The following DDR2 variants were observed in gnomAD, a reference collection of about 807,000 sequenced individuals.
DDR2 encodes the protein discoidin domain receptor tyrosine kinase 2, also known as discoidin domain-containing receptor 2.
Under a neutral mutation model 94.9 loss-of-function variants are expected in DDR2, and 27 were observed. That is an observed-to-expected ratio of 0.28 (90% CI 0.21 to 0.39). DDR2 has a LOEUF of 0.39. Among genes scored for constraint, DDR2 ranks in the 10% least tolerant of loss-of-function variants. DDR2 has a pLI of 1.00. For missense variants in DDR2, 783 were observed against 1,076.0 expected (o/e 0.73, Z 3.81); for synonymous variants, 382 against 377.2 (o/e 1.01, Z -0.15).
At chr1:162,648,327 G>A (rs926206501) in intron 1 of DDR2, among the ~76,000 whole-genome samples, 4 of 152,138 alleles carry the variant, frequency 2.6e-5, no homozygotes, top group Non-Finnish European at 5.9e-5. Context: ...CAGACACTTG[G>A]CAGTCAGATT....
At chr1:162,651,596 C>T (rs1657695572) in intron 1 of DDR2, among the ~76,000 whole-genome samples, 2 of 152,006 alleles carry the variant, frequency 1.3e-5, no homozygotes, top group Non-Finnish European at 2.9e-5. Flanking sequence ...TTTTTTGAGG[C>T]CAAGGAACAT....
chr1:162,746,842 T>C (rs954496239), intron 3 of DDR2, among the ~76,000 whole-genome samples: 2 of 152,198 alleles, frequency 1.3e-5, no homozygotes, highest in Non-Finnish European at 2.9e-5. Context: ...TTTGCTGTTC[T>C]GCAGCCTGCA....
intron 1 of DDR2, among the ~76,000 whole-genome samples, chr1:162,638,430 A>T (rs1449818321): frequency 6.6e-6 from 1 of 152,140 alleles, no homozygotes; most frequent in Admixed American, 6.5e-5. Context: ...TAAAGAACAA[A>T]CTCCCATATC....
chr1:162,718,685 C>G (rs1661278943), intron 2 of DDR2, among the ~76,000 whole-genome samples: 2 of 152,060 alleles, frequency 1.3e-5, no homozygotes, highest in Non-Finnish European at 2.9e-5. Context: ...GAATCAATAT[C>G]AAGATTATGA....
intron 2 of DDR2, among the ~76,000 whole-genome samples, chr1:162,690,601 G>T (rs1659921084): frequency 6.6e-6 from 1 of 151,404 alleles, no homozygotes; most frequent in African/African-American, 2.4e-5. Context: ...TAAAAGATGA[G>T]AATTAAAATA....
At chr1:162,657,262 C>T (rs1658037736) in intron 2 of DDR2, among the ~76,000 whole-genome samples, 1 of 152,108 alleles carries the variant, frequency 6.6e-6, no homozygotes, top group African/African-American at 2.4e-5. Context: ...TCATATTATC[C>T]CTGGAACTAT....
At position 162,786,947 on chromosome 1, in the gene DDR2, T is replaced by C. The variant is rs1379391508; in HGVS notation, c.*6701T>C. ...CAGAAATCCTTTTTAAATCCAAATA[T>C]AGTCTGTCTCAGACTACCTGCACAT... On this transcript the variant is annotated 3_prime_UTR_variant, in exon 18 of 18. Coordinates refer to ENST00000367921, the MANE Select transcript of DDR2 (RefSeq NM_006182.4). 1 of 152,198 alleles carries C rather than the reference T, an allele frequency of 6.6e-6. No homozygotes were observed. The highest frequency in any genetic ancestry group is 1.5e-5 in the Non-Finnish European group (1 of 68,038). The allele number at this position is 152,198 out of a possible 1,614,324, so 9.4% of individuals were successfully genotyped here.
rs1361657826 is a variant in DDR2 at position 162,778,725 on chromosome 1, G to T, written c.2429G>T (p.Arg810Met). ...NTGEFFRDQGRQTYLPQPAIC... is the reference protein window; with the variant it reads ...NTGEFFRDQGMQTYLPQPAIC... ...GGAGAGTTCTTCCGAGACCAAGGGA[G>T]GCAGGTAAGAACTGTTGGGGATGAA... The change falls in exon 17 of 18, where the codon AGG becomes ATG. Residue 810 changes from arginine to methionine, a missense_variant. Coordinates refer to ENST00000367921, the MANE Select transcript of DDR2 (RefSeq NM_006182.4). The T allele has an allele frequency of 6.2e-7, 1 of 1,613,890 alleles. No homozygotes were observed. The highest frequency in any genetic ancestry group is 2.2e-5 in the East Asian group (1 of 44,880).
chr1:162,661,473 G>C (rs1658292678), intron 2 of DDR2, among the ~76,000 whole-genome samples: 1 of 152,172 alleles, frequency 6.6e-6, no homozygotes, highest in Non-Finnish European at 1.5e-5. Context: ...AATTCCCTTG[G>C]AGAATCCCAC....
chr1:162,754,332 A>C (rs1362045368), intron 4 of DDR2, among the ~76,000 whole-genome samples: 1 of 152,208 alleles, frequency 6.6e-6, no homozygotes, highest in Admixed American at 6.5e-5. Context: ...AACAGAGAGT[A>C]GGAAGAGTTT....
At chr1:162,727,973 A>ATC (rs1012557060) in intron 3 of DDR2, among the ~76,000 whole-genome samples, 2 of 137,686 alleles carry the variant, frequency 1.5e-5, no homozygotes, top group African/African-American at 5.3e-5. Context: ...ATATATATAT[A>ATC]TATAGATATA....
At chr1:162,729,307 T>A (rs866715740) in intron 3 of DDR2, among the ~76,000 whole-genome samples, 2,058 of 133,024 alleles carry the variant, frequency 0.015, 22 homozygotes, top group Middle Eastern at 0.019. Flanking sequence ...TATATTTTTT[T>A]TTTTTTTTTT....
chr1:162,677,848 C>T (rs1203409339), intron 2 of DDR2, among the ~76,000 whole-genome samples: 1 of 152,248 alleles, frequency 6.6e-6, no homozygotes, highest in Non-Finnish European at 1.5e-5. Context: ...CCTCAGCTTT[C>T]AGCTTTCACA....
chr1:162,654,604 T>A (rs1483508613), intron 1 of DDR2, among the ~76,000 whole-genome samples: 4 of 152,158 alleles, frequency 2.6e-5, no homozygotes, highest in Non-Finnish European at 4.4e-5. Context: ...GAAATGAGAC[T>A]CACTTTTCAT....
chr1:162,702,865 C>T (rs1660491044), intron 2 of DDR2, among the ~76,000 whole-genome samples: 1 of 152,162 alleles, frequency 6.6e-6, no homozygotes, highest in South Asian at 2.1e-4. Context: ...ACTCCCTTGG[C>T]TTCAATAGAG....
rs769174800 is a variant in DDR2 at position 162,753,081 on chromosome 1, T to G, written c.83-14T>G. 6.2e-7 allele frequency: 1 copy of G among 1,609,910 alleles called. No homozygotes were observed. Among genetic ancestry groups the G allele is most frequent in the Non-Finnish European group, 8.5e-7 (1 of 1,176,746 alleles). On this transcript the variant is annotated splice_polypyrimidine_tract_variant and intron_variant, in intron 3 of 17. Transcript: ENST00000367921. ...CCATGTCCTCTCTTTTCTCTTTGGT[T>G]TCTCTTGGTCTAGCTATATGCCGCT...
chr1:162,716,604 A>G (rs1661178358), intron 2 of DDR2, among the ~76,000 whole-genome samples: 1 of 152,176 alleles, frequency 6.6e-6, no homozygotes, highest in Admixed American at 6.5e-5. Context: ...TTGTAGTTGT[A>G]GATCACATAC....
intron 2 of DDR2, among the ~76,000 whole-genome samples, chr1:162,656,644 G>C (rs1217713073): frequency 2.0e-5 from 3 of 151,528 alleles, no homozygotes; most frequent in African/African-American, 7.3e-5. Context: ...GGAGTTAAGA[G>C]GTCTTAACTT....
rs754180676 is a variant in DDR2 at position 162,775,661 on chromosome 1, T to C, written c.1866T>C (p.Phe622=). 5 of 1,613,960 alleles carry C rather than the reference T, an allele frequency of 3.1e-6. No homozygotes were observed. ...ADANKNARND[F]LKEIKIMSRL... is the part of the protein sequence containing the mutation. ...TCTGTATCCTCCCAAGGAATGATTT[T>C]CTTAAGGAGATAAAGATCATGTCTC... The change falls in exon 15 of 18, where the codon TTT becomes TTC. Residue 622 remains phenylalanine (F), a synonymous_variant. Coordinates refer to ENST00000367921, the MANE Select transcript of DDR2 (RefSeq NM_006182.4).
Sources: gnomAD v4.1 joint callset for allele counts (sites outside exome capture counted in the v4.1 genomes callset) on GRCh38, gnomAD v4.1.1 for gene constraint, MANE v1.5 for transcripts, NCBI Gene and HGNC (gene_info 2026-07-23, HGNC 2026-07-21) for gene names.